The following LNX2 variants were observed in gnomAD, a reference collection of about 807,000 sequenced individuals.
LNX2 encodes the protein ligand of numb-protein X 2.
LNX2 carries 35 observed loss-of-function variants against 66.2 expected under a neutral mutation model. That is an observed-to-expected ratio of 0.53 (90% CI 0.40 to 0.70). LNX2 has a LOEUF of 0.70. Ranked by LOEUF, LNX2 falls within the 30% of genes least tolerant of loss-of-function variation. LNX2 has a pLI of 0.00. For synonymous variants in LNX2, 337 were observed against 315.6 expected (o/e 1.07, Z -0.72); for missense variants, 791 against 850.8 (o/e 0.93, Z 0.87).
intron 1 of LNX2, among the ~76,000 whole-genome samples, chr13:27,601,031 T>C (rs1955652741): frequency 6.6e-6 from 1 of 152,260 alleles, no homozygotes; most frequent in Non-Finnish European, 1.5e-5. Context: ...AAGAGTCTTA[T>C]AAAGTCCATT....
At chr13:27,575,919 A>G (rs1334411808) in intron 2 of LNX2, among the ~76,000 whole-genome samples, 2 of 152,216 alleles carry the variant, frequency 1.3e-5, no homozygotes, top group African/African-American at 4.8e-5. Context: ...GAAGAAATGG[A>G]GGAAAAAAGA....
intron 4 of LNX2, among the ~76,000 whole-genome samples, chr13:27,566,510 G>A (rs1955207746): frequency 6.6e-6 from 1 of 152,178 alleles, no homozygotes; most frequent in African/African-American, 2.4e-5. Flanking sequence ...GGAGGACCCT[G>A]ACTATTAGAT....
intron 1 of LNX2, among the ~76,000 whole-genome samples, chr13:27,604,284 C>T (rs1279001127): frequency 6.6e-6 from 1 of 152,246 alleles, no homozygotes; most frequent in Admixed American, 6.5e-5. Flanking sequence ...TCTTTCCATG[C>T]TATGCTATGG....
chr13:27,588,769 TTA>T (rs1222757563), intron 1 of LNX2, among the ~76,000 whole-genome samples: 2 of 152,214 alleles, frequency 1.3e-5, no homozygotes. Flanking sequence ...TCTGTATTCA[TTA>T]TGTTAGTAAT....
Position 27,562,569 on chromosome 13 carries a change from C to A in LNX2, c.1068G>T (p.Val356=). The A allele has an allele frequency of 6.2e-7, 1 of 1,614,168 alleles. No individual in the cohort carries two copies. The highest frequency in any genetic ancestry group is 1.3e-5 in the African/African-American group (1 of 75,072). Residue 356 remains valine, a synonymous_variant, in exon 5 of 10, where the codon GTG becomes GTT. Coordinates refer to ENST00000316334, the MANE Select transcript of LNX2 (RefSeq NM_153371.4). The part of the protein sequence containing the change: ...DSGEQLGIKL[V]RRTDEPGVFI... ...AAACCCCTGGCTCATCTGTCCTTCG[C>A]ACCAATTTAATGCCAAGCTGTTCAC...
At chr13:27,581,945 A>G in intron 1 of LNX2, 142 bp from the exon 2 acceptor site, 2 of 367,080 alleles carry the variant, frequency 5.4e-6, no homozygotes, top group Non-Finnish European at 4.8e-6. Flanking sequence ...TCATAAAAAA[A>G]GAAATTAATT....
intron 2 of LNX2, among the ~76,000 whole-genome samples, chr13:27,580,471 C>T (rs1166155006): frequency 6.6e-6 from 1 of 152,216 alleles, no homozygotes; most frequent in Middle Eastern, 3.4e-3. Context: ...ACTGGCTTAA[C>T]TTGAAATTAG....
intron 1 of LNX2, among the ~76,000 whole-genome samples, chr13:27,607,495 A>G (rs952899361): frequency 3.9e-5 from 6 of 152,234 alleles, no homozygotes; most frequent in African/African-American, 4.8e-5. Flanking sequence ...AAAAACTTCA[A>G]AATAAAACTG....
Position 27,554,117 on chromosome 13 carries a change from A to C in LNX2, c.1547-678T>G, listed in dbSNP as rs150330747. Reference sequence around the variant, plus strand: ...TGTGCTACAAAGTCTACAGAAATTTATCTCTCCCAATTTATCATCAGTTTT... The same window carrying C: ...TGTGCTACAAAGTCTACAGAAATTTCTCTCTCCCAATTTATCATCAGTTTT... On this transcript the variant is annotated intron_variant, in intron 7 of 9. Coordinates refer to ENST00000316334, the MANE Select transcript of LNX2 (RefSeq NM_153371.4). 2.3e-4 allele frequency among the ~76,000 whole-genome samples: 35 copies of C among 152,362 alleles called. No individual in the cohort carries two copies. The East Asian group carries it at 4.2e-3, about 18-fold the overall frequency.
At chr13:27,607,078 G>A (rs1955724918) in intron 1 of LNX2, among the ~76,000 whole-genome samples, 1 of 152,064 alleles carries the variant, frequency 6.6e-6, no homozygotes, top group Admixed American at 6.6e-5. Context: ...CATAAAAATG[G>A]GAGAAATGTA....
At chr13:27,578,451 T>C (rs1340974038) in intron 2 of LNX2, among the ~76,000 whole-genome samples, 1 of 152,198 alleles carries the variant, frequency 6.6e-6, no homozygotes, top group African/African-American at 2.4e-5. Context: ...TCATTCTTCT[T>C]GCTAGTTTAT....
chr13:27,584,623 C>G (rs531837486), intron 1 of LNX2, among the ~76,000 whole-genome samples: 1 of 152,018 alleles, frequency 6.6e-6, no homozygotes, highest in Non-Finnish European at 1.5e-5. Context: ...GACTTTGAGG[C>G]TGTAGTGAGG....
chr13:27,557,402 T>C (rs1312116869), intron 6 of LNX2, among the ~76,000 whole-genome samples: 1 of 152,028 alleles, frequency 6.6e-6, no homozygotes, highest in East Asian at 1.9e-4. Context: ...TTAATACAAA[T>C]AGTATTTTGT....
At chr13:27,555,554 G>A (rs1466414108) in intron 7 of LNX2, among the ~76,000 whole-genome samples, 2 of 152,118 alleles carry the variant, frequency 1.3e-5, no homozygotes, top group Admixed American at 6.5e-5. Flanking sequence ...AGAAACTACT[G>A]CCTAATCCAA....
intron 6 of LNX2, among the ~76,000 whole-genome samples, chr13:27,559,576 G>A (rs545838677): frequency 3.3e-5 from 5 of 151,960 alleles, no homozygotes; most frequent in Non-Finnish European, 7.4e-5. Context: ...CTTGTTAATC[G>A]CCTGGCAAAG....
At chr13:27,601,215 A>T (rs1449212141) in intron 1 of LNX2, among the ~76,000 whole-genome samples, 1 of 152,216 alleles carries the variant, frequency 6.6e-6, no homozygotes, top group Non-Finnish European at 1.5e-5. Context: ...AAGGGATTAA[A>T]AACAACTAGG....
intron 1 of LNX2, among the ~76,000 whole-genome samples, chr13:27,615,656 C>G (rs1463818763): frequency 6.6e-6 from 1 of 152,130 alleles, no homozygotes; most frequent in African/African-American, 2.4e-5. Context: ...TACAAAGACA[C>G]TTAGCGCTTT....
At position 27,548,557 on chromosome 13, in the gene LNX2, C is replaced by A. The variant is rs538191575; in HGVS notation, c.1938-87G>T. On this transcript the variant is annotated intron_variant, in intron 9 of 9. Transcript: ENST00000316334. ...TGAGATTTATGTAGCATGAAAAATG[C>A]GGTTTCACTTACCACTGAACTGTCA... The A allele has an allele frequency of 3.6e-6, 5 of 1,401,862 alleles. No individual in the cohort carries two copies. In the African/African-American group the frequency reaches 4.3e-5, roughly 12 times the overall value. 86.8% of individuals were successfully genotyped at this position (1,401,862 alleles called of 1,614,324 possible). A position where few individuals can be genotyped will look rare whatever the true frequency, so the allele number is the denominator to read the frequency against.
At chr13:27,568,993 A>G in intron 3 of LNX2, 36 bp downstream of exon 3, 1 of 1,554,092 alleles carries the variant, frequency 6.4e-7, no homozygotes, top group Non-Finnish European at 8.7e-7. Context: ...GAAAGGAAAT[A>G]GAGATGAAAT....
Sources: allele counts gnomAD v4.1 joint callset (sites outside exome capture counted in the v4.1 genomes callset), GRCh38; gene constraint gnomAD v4.1.1; transcripts MANE v1.5; gene names NCBI Gene and HGNC (gene_info 2026-07-23, HGNC 2026-07-21).